The following TOGARAM1 variants were observed in gnomAD, a reference collection of about 807,000 sequenced individuals.
TOGARAM1 encodes TOG array regulator of axonemal microtubules 1.
Under a neutral mutation model 166.6 loss-of-function variants are expected in TOGARAM1, and 100 were observed. The ratio of observed to expected loss-of-function variants is 0.60; its 90% CI spans 0.51 to 0.71. TOGARAM1 has a LOEUF of 0.71. Ranked by LOEUF, TOGARAM1 falls within the 30% of genes least tolerant of loss-of-function variation. TOGARAM1 has a pLI of 0.00. For synonymous variants in TOGARAM1, 758 were observed against 763.8 expected (o/e 0.99, Z 0.13); for missense variants, 2,029 against 2,102.7 (o/e 0.96, Z 0.69).
At chr14:44,984,823 A>T (rs776578543) in intron 1 of TOGARAM1, among the ~76,000 whole-genome samples, 10 of 151,922 alleles carry the variant, frequency 6.6e-5, no homozygotes, top group Admixed American at 5.2e-4. Flanking sequence ...AGAAAATGGA[A>T]AAAAGAGCTA....
chr14:45,011,406 G>A (rs543473618), intron 6 of TOGARAM1, among the ~76,000 whole-genome samples: 101 of 152,238 alleles, frequency 6.6e-4, no homozygotes, highest in African/African-American at 2.3e-3. Flanking sequence ...CCTGCCTCCT[G>A]GGCTCAGGTG....
chr14:45,064,792 G>A (rs559353345), intron 16 of TOGARAM1, among the ~76,000 whole-genome samples: 8 of 152,244 alleles, frequency 5.3e-5, no homozygotes, highest in Non-Finnish European at 1.2e-4. Flanking sequence ...TTGAATTTAA[G>A]CCTCTCATTT....
intron 4 of TOGARAM1, 31 bp from the exon 5 acceptor site, chr14:45,005,977 A>G: frequency 6.6e-7 from 1 of 1,517,442 alleles, no homozygotes; most frequent in Non-Finnish European, 8.8e-7. Flanking sequence ...AATTAGAAAA[A>G]GAAAAAGTAA....
In TOGARAM1 at chr14:45,054,512, T is replaced by A. The variant is rs1452050855; in HGVS notation, c.4522T>A (p.Ser1508Thr). 1.2e-6 allele frequency: 2 copies of A among 1,613,304 alleles called. No individual in the cohort carries two copies. The highest frequency in any genetic ancestry group is 3.3e-5 in the Admixed American group (2 of 59,964). Residue 1508 changes from serine to threonine, a missense_variant, in exon 16 of 20, where the codon TCA (serine) becomes ACA (threonine). Physicochemically the swap from Ser to Thr is moderately conservative, Grantham distance 58. This residue lies in a region of TOGARAM1 where 576 missense variants were observed against 670.5 expected (regional missense o/e 0.86). Coordinates refer to ENST00000361462, the MANE Select transcript of TOGARAM1 (RefSeq NM_001308120.2). ...HTGSVGNTRS[S>T]SVSRDAFNSA... The stretch of plus-strand genomic sequence containing the variant: ...TGGCAGTGTTGGAAATACAAGATCA[T>A]CATCTGTTTCTAGAGATGCTTTCAA...
chr14:45,053,852 G>C (rs933593353), intron 15 of TOGARAM1, among the ~76,000 whole-genome samples: 1 of 151,970 alleles, frequency 6.6e-6, no homozygotes, highest in Non-Finnish European at 1.5e-5. Context: ...TTTAAGAAGA[G>C]TAGTTACGAA....
rs143357572 is a variant in TOGARAM1 at position 44,963,535 on chromosome 14, G to A, written c.1114G>A (p.Val372Ile). The change falls in exon 1 of 20, where the codon GTC (valine) becomes ATC (isoleucine). Residue 372 changes from valine to isoleucine, a missense_variant. Coordinates refer to ENST00000361462, the MANE Select transcript of TOGARAM1 (RefSeq NM_001308120.2). ...QEDYKNRTQA[V>I]EELKQVLGKF... ...AGACTATAAGAACCGGACCCAGGCC[G>A]TCGAAGAACTAAAGCAGGTGCTGGG... is the stretch of plus-strand genomic sequence containing the variant. 3.8e-4 allele frequency: 607 copies of A among 1,614,044 alleles called. 3 individuals are homozygous for A. The African/African-American group carries it at 7.4e-3, about 20-fold the overall frequency.
At chr14:44,985,095 C>T (rs568737316) in intron 1 of TOGARAM1, among the ~76,000 whole-genome samples, 2 of 152,106 alleles carry the variant, frequency 1.3e-5, no homozygotes. Context: ...CTCACTGCAA[C>T]CTCTGCCTCC....
chr14:44,995,966 A>G (rs765681189), intron 2 of TOGARAM1, 64 bp downstream of exon 2: 17 of 1,358,498 alleles, frequency 1.3e-5, no homozygotes, highest in East Asian at 2.4e-5. Flanking sequence ...TTCATAGTGC[A>G]TTCAATGACT....
At chr14:44,982,364 C>G (rs925636778) in intron 1 of TOGARAM1, among the ~76,000 whole-genome samples, 1 of 152,062 alleles carries the variant, frequency 6.6e-6, no homozygotes, top group African/African-American at 2.4e-5. Context: ...GCATCTCTTT[C>G]TATGTATTTA....
At chr14:45,006,410 C>T (rs1879434495) in intron 5 of TOGARAM1, 143 bp downstream of exon 5, 2 of 609,274 alleles carry the variant, frequency 3.3e-6, no homozygotes, top group Non-Finnish European at 5.4e-6. Flanking sequence ...GTGGAAAATA[C>T]CATGAATTAG....
rs758250671 is a variant in TOGARAM1, at chr14:44,999,450, G to A, written c.2291G>A (p.Gly764Asp). 3 of 1,612,480 alleles carry A rather than the reference G, an allele frequency of 1.9e-6. No homozygotes were observed. Among genetic ancestry groups the A allele is most frequent in the South Asian group, 1.1e-5 (1 of 90,696 alleles). ...ATATGTGGTAAAACTGGCAGTGTGG[G>A]TTCTGACTTACAATTCCTAGGGACA... Reference protein sequence around the residue: ...SQICGKTGSVGSDLQFLGTTS... With the variant: ...SQICGKTGSVDSDLQFLGTTS... Residue 764 changes from glycine to aspartate, a missense_variant, in exon 3 of 20, where the codon GGT becomes GAT. Physicochemically the swap from Gly to Asp is moderately conservative, Grantham distance 94. Coordinates refer to ENST00000361462, the MANE Select transcript of TOGARAM1 (RefSeq NM_001308120.2).
At chr14:44,981,824 T>C (rs555675562) in intron 1 of TOGARAM1, among the ~76,000 whole-genome samples, 1 of 148,176 alleles carries the variant, frequency 6.7e-6, no homozygotes, top group African/African-American at 2.5e-5. Context: ...CAGTGAAAGC[T>C]TCCCCTTTTT....
At chr14:44,987,034 A>G in intron 1 of TOGARAM1, among the ~76,000 whole-genome samples, 1 of 151,900 alleles carries the variant, frequency 6.6e-6, no homozygotes, top group East Asian at 1.9e-4. Context: ...GAAAAAAGAA[A>G]AAAAAATGTT....
chr14:45,029,372 A>C (rs1162367177), intron 10 of TOGARAM1, among the ~76,000 whole-genome samples: 1 of 152,204 alleles, frequency 6.6e-6, no homozygotes, highest in Non-Finnish European at 1.5e-5. Context: ...TGGGGTATTA[A>C]TTCTTGATGG....
At position 44,996,936 on chromosome 14, in the gene TOGARAM1, C is replaced by T. The variant is rs1045221204; in HGVS notation, c.2203+1034C>T. On this transcript the variant is annotated intron_variant, in intron 2 of 19. Coordinates refer to ENST00000361462, the MANE Select transcript of TOGARAM1 (RefSeq NM_001308120.2). ...ATGATCCAGTCACCTCCCACCAGGC[C>T]TCACCTACCTCCAACATTGGGGATT... is the stretch of plus-strand genomic sequence containing the variant. 2.6e-5 allele frequency: 4 copies of T among 152,244 alleles called. 1 individual carries two copies. The highest frequency in any genetic ancestry group is 9.7e-5 in the African/African-American group (4 of 41,424). The allele number at this position is 152,244 out of a possible 1,614,324, so 9.4% of individuals were successfully genotyped here.
intron 16 of TOGARAM1, among the ~76,000 whole-genome samples, chr14:45,055,761 G>A (rs1302177763): frequency 1.5e-5 from 2 of 135,196 alleles, no homozygotes; most frequent in African/African-American, 3.0e-5. Context: ...CTGAGATCAC[G>A]CCATTGGATT....
intron 11 of TOGARAM1, among the ~76,000 whole-genome samples, chr14:45,041,045 G>A (rs1881699395): frequency 6.9e-6 from 1 of 144,986 alleles, no homozygotes; most frequent in Non-Finnish European, 1.5e-5. Context: ...TCTCAAAAAA[G>A]TAATAATAAT....
At chr14:45,035,948 GAAAA>G (rs112836134) in intron 11 of TOGARAM1, among the ~76,000 whole-genome samples, 1 of 101,600 alleles carries the variant, frequency 9.8e-6, no homozygotes, top group Non-Finnish European at 2.2e-5. Context: ...CTCATCTCTA[GAAAA>G]AAAAAAAAAA....
chr14:45,050,718 G>A (rs992619349), intron 14 of TOGARAM1, among the ~76,000 whole-genome samples: 6 of 151,774 alleles, frequency 4.0e-5, no homozygotes, highest in Non-Finnish European at 7.4e-5. Context: ...AGGTTCAAGC[G>A]ATTCTCATGC....
Sources: allele counts gnomAD v4.1 joint callset (sites outside exome capture counted in the v4.1 genomes callset), GRCh38; gene constraint gnomAD v4.1.1; regional missense constraint gnomAD v4.1.1; transcripts MANE v1.5; gene names NCBI Gene and HGNC (gene_info 2026-07-23, HGNC 2026-07-21).